SLC24A2: variants seen among roughly 807,000 people sequenced by gnomAD.
SLC24A2 encodes the protein solute carrier family 24 member 2.
SLC24A2 carries 36 observed loss-of-function variants against 62.0 expected under a neutral mutation model. The ratio of observed to expected loss-of-function variants is 0.58; its 90% CI spans 0.44 to 0.77. The LOEUF is 0.77. Among genes scored for constraint, SLC24A2 ranks in the 30% least tolerant of loss-of-function variants. The pLI, the probability that SLC24A2 is intolerant of heterozygous loss-of-function variation, is 0.00. For missense variants in SLC24A2, 846 were observed against 817.9 expected (o/e 1.03, Z -0.42); for synonymous variants, 358 against 294.0 (o/e 1.22, Z -2.23).
At chr9:20,071,102 G>C in the SLC24A2 span, among the ~76,000 whole-genome samples, 6 of 152,120 alleles carry the variant, frequency 3.9e-5, no homozygotes, top group African/African-American at 7.2e-5. Context: ...CTCCCTCCTT[G>C]CCTTCCACCA....
intron 9 of SLC24A2, among the ~76,000 whole-genome samples, chr9:19,522,383 G>A (rs767076175): frequency 6.6e-6 from 1 of 152,034 alleles, no homozygotes; most frequent in Non-Finnish European, 1.5e-5. Flanking sequence ...CTTTCCATCT[G>A]GTTTCCAACA....
the SLC24A2 span, among the ~76,000 whole-genome samples, chr9:20,103,347 G>C: frequency 6.6e-6 from 1 of 152,176 alleles, no homozygotes; most frequent in African/African-American, 2.4e-5. Context: ...AGAGAGCATG[G>C]TTCTCCCAGC....
In SLC24A2 at chr9:19,515,439, C is replaced by T. The variant is rs552300276; in HGVS notation, c.*714G>A. On this transcript the variant is annotated 3_prime_UTR_variant, in exon 11 of 11. Transcript: ENST00000341998. ...GGCTCAACTCAGGGCCCCTACAGACCTTCTCCACTAAGCCCTCCTCCCTGC... is the reference window on the plus strand; with the variant it reads ...GGCTCAACTCAGGGCCCCTACAGACTTTCTCCACTAAGCCCTCCTCCCTGC... 165 of 152,298 alleles carry T rather than the reference C, an allele frequency of 1.1e-3. No individual in the cohort carries two copies. Among genetic ancestry groups the T allele is most frequent in the African/African-American group, 3.9e-3 (160 of 41,504 alleles). 9.4% of individuals were successfully genotyped at this position (152,298 alleles called of 1,614,324 possible).
At chr9:19,529,816 T>A (rs541814401) in intron 8 of SLC24A2, among the ~76,000 whole-genome samples, 22 of 150,954 alleles carry the variant, frequency 1.5e-4, no homozygotes, top group African/African-American at 5.1e-4. Context: ...AGTGGCATGA[T>A]CTTGGCTCAC....
chr9:19,542,364 A>C (rs1346205016), intron 8 of SLC24A2, among the ~76,000 whole-genome samples: 1 of 152,218 alleles, frequency 6.6e-6, no homozygotes, highest in Non-Finnish European at 1.5e-5. Flanking sequence ...TTTTCTAAAT[A>C]TACAATCATG....
the SLC24A2 span, among the ~76,000 whole-genome samples, chr9:19,835,739 A>G: frequency 6.6e-6 from 1 of 152,240 alleles, no homozygotes. Flanking sequence ...ATAGACATCT[A>G]CAGAACTCTC....
chr9:20,100,457 A>G, the SLC24A2 span, among the ~76,000 whole-genome samples: 1 of 152,184 alleles, frequency 6.6e-6, no homozygotes, highest in African/African-American at 2.4e-5. Flanking sequence ...CTACACAACT[A>G]TATACATCTG....
At chr9:20,293,579 G>T in the SLC24A2 span, among the ~76,000 whole-genome samples, 1 of 152,146 alleles carries the variant, frequency 6.6e-6, no homozygotes, top group East Asian at 1.9e-4. Context: ...CCCTCACTCT[G>T]GTCAAAGGGG....
chr9:19,920,960 A>G, the SLC24A2 span, among the ~76,000 whole-genome samples: 1 of 152,118 alleles, frequency 6.6e-6, no homozygotes, highest in East Asian at 1.9e-4. Flanking sequence ...CTCATCTATA[A>G]AATAAAGATA....
the SLC24A2 span, among the ~76,000 whole-genome samples, chr9:20,238,426 G>C: frequency 6.6e-6 from 1 of 152,158 alleles, no homozygotes; most frequent in African/African-American, 2.4e-5. Flanking sequence ...TGAGTAGCTT[G>C]TTCTAGCACC....
chr9:20,197,267 T>C, the SLC24A2 span, among the ~76,000 whole-genome samples: 2 of 152,142 alleles, frequency 1.3e-5, no homozygotes, highest in Non-Finnish European at 2.9e-5. Flanking sequence ...TTTTCCAAAC[T>C]TAGTTGGATC....
chr9:19,789,186 A>C (rs1823272247), upstream of SLC24A2, among the ~76,000 whole-genome samples: 1 of 152,226 alleles, frequency 6.6e-6, no homozygotes, highest in Non-Finnish European at 1.5e-5. Flanking sequence ...CGCAGAGGCG[A>C]CGCTGGCAGC....
At chr9:19,649,098 A>T (rs1051689590) in intron 2 of SLC24A2, among the ~76,000 whole-genome samples, 2 of 151,848 alleles carry the variant, frequency 1.3e-5, no homozygotes, top group African/African-American at 4.8e-5. Context: ...AAGGTCAAGG[A>T]TCAGTCAGAC....
intron 2 of SLC24A2, among the ~76,000 whole-genome samples, chr9:19,644,374 C>T (rs1384094108): frequency 1.3e-5 from 2 of 152,178 alleles, no homozygotes; most frequent in Non-Finnish European, 2.9e-5. Flanking sequence ...TTATTGTTTA[C>T]TAGTGCCTGG....
chr9:19,925,263 G>A, the SLC24A2 span, among the ~76,000 whole-genome samples: 1,859 of 152,298 alleles, frequency 0.012, 32 homozygotes, highest in African/African-American at 0.043. Context: ...AGAATGCAGA[G>A]GAACCTGGAG....
intron 3 of SLC24A2, among the ~76,000 whole-genome samples, chr9:19,620,592 A>G (rs1362654369): frequency 6.6e-6 from 1 of 152,208 alleles, no homozygotes; most frequent in Non-Finnish European, 1.5e-5. Flanking sequence ...TTTTTCTTCT[A>G]TCTTCAAAAG....
chr9:19,814,689 T>C, the SLC24A2 span, among the ~76,000 whole-genome samples: 1 of 152,154 alleles, frequency 6.6e-6, no homozygotes, highest in African/African-American at 2.4e-5. Context: ...AATGACAAAA[T>C]ATAGTTTCTT....
the SLC24A2 span, among the ~76,000 whole-genome samples, chr9:19,893,982 A>T: frequency 6.6e-6 from 1 of 152,218 alleles, no homozygotes; most frequent in Non-Finnish European, 1.5e-5. Flanking sequence ...TGGAAGTGAC[A>T]AACACTACTT....
At chr9:19,867,291 A>G in the SLC24A2 span, among the ~76,000 whole-genome samples, 1 of 152,208 alleles carries the variant, frequency 6.6e-6, no homozygotes, top group African/African-American at 2.4e-5. Context: ...AGAATTCATC[A>G]GTGAAACAAT....
Sources: allele counts gnomAD v4.1 joint callset (sites outside exome capture counted in the v4.1 genomes callset), GRCh38; gene constraint gnomAD v4.1.1; transcripts MANE v1.5; gene names NCBI Gene and HGNC (gene_info 2026-07-23, HGNC 2026-07-21).